The following QDPR variants were observed in gnomAD, a reference collection of about 807,000 sequenced individuals.
QDPR encodes dihydropteridine reductase.
QDPR carries 23 observed loss-of-function variants against 31.7 expected under a neutral mutation model. The ratio of observed to expected loss-of-function variants is 0.73; its 90% CI spans 0.52 to 1.03. QDPR has a LOEUF of 1.03. Among genes scored for constraint, QDPR ranks in the 50% least tolerant of loss-of-function variants. QDPR has a pLI of 0.00. For synonymous variants in QDPR, 124 were observed against 124.7 expected (o/e 0.99, Z 0.03); for missense variants, 324 against 323.8 (o/e 1.00, Z 0.00).
chr4:17,493,659 G>C (rs1005921295), intron 4 of QDPR, among the ~76,000 whole-genome samples: 16 of 152,222 alleles, frequency 1.1e-4, no homozygotes, highest in African/African-American at 3.9e-4. Flanking sequence ...AGGAGAGGGG[G>C]TGGGCATGGA....
intron 4 of QDPR, 87 bp downstream of exon 4, chr4:17,501,632 A>C: frequency 6.7e-7 from 1 of 1,498,730 alleles, no homozygotes; most frequent in Non-Finnish European, 9.2e-7. Context: ...TAAAGGCTTT[A>C]ACAGTCCTCA....
intron 4 of QDPR, among the ~76,000 whole-genome samples, chr4:17,494,636 T>C (rs1312419253): frequency 1.3e-5 from 2 of 152,106 alleles, no homozygotes; most frequent in African/African-American, 4.8e-5. Flanking sequence ...GGTTAACAAA[T>C]CCCCTTTGTA....
intron 4 of QDPR, among the ~76,000 whole-genome samples, chr4:17,493,259 C>A (rs896828043): frequency 6.6e-6 from 1 of 152,058 alleles, no homozygotes; most frequent in Non-Finnish European, 1.5e-5. Flanking sequence ...TCCTGGGCAA[C>A]GTAGTGGGAC....
chr4:17,509,031 A>G (rs1476878974), intron 2 of QDPR, among the ~76,000 whole-genome samples: 2 of 151,924 alleles, frequency 1.3e-5, no homozygotes, highest in Non-Finnish European at 2.9e-5. Flanking sequence ...GGTGGCAGGC[A>G]CCTGTAATCC....
At chr4:17,490,150 G>T (rs1012242706) in intron 6 of QDPR, 3 of 177,054 alleles carry the variant, frequency 1.7e-5, no homozygotes, top group African/African-American at 7.1e-5. Flanking sequence ...AAATTAAAGG[G>T]CACTTTCTGT....
At chr4:17,500,821 T>C (rs906917623) in intron 4 of QDPR, among the ~76,000 whole-genome samples, 3 of 152,244 alleles carry the variant, frequency 2.0e-5, no homozygotes, top group Non-Finnish European at 2.9e-5. Flanking sequence ...CAAGTAAGTC[T>C]GCAACTTACT....
At chr4:17,497,418 C>G (rs1028915049) in intron 4 of QDPR, among the ~76,000 whole-genome samples, 1 of 152,088 alleles carries the variant, frequency 6.6e-6, no homozygotes, top group South Asian at 2.1e-4. Flanking sequence ...GACTCACCCC[C>G]ACCAAGAGCA....
intron 4 of QDPR, among the ~76,000 whole-genome samples, chr4:17,499,881 A>G (rs760665846): frequency 6.6e-6 from 1 of 152,158 alleles, no homozygotes; most frequent in Non-Finnish European, 1.5e-5. Flanking sequence ...TCATACCACT[A>G]CATTCCAGCC....
At chr4:17,504,497 A>T (rs1179569385) in intron 2 of QDPR, 22 bp from the exon 3 acceptor site, 2 of 1,582,544 alleles carry the variant, frequency 1.3e-6, no homozygotes, top group Non-Finnish European at 1.7e-6. Flanking sequence ...GAACAAAAAA[A>T]TGTATAAACT....
At chr4:17,490,797 A>G in intron 5 of QDPR, 52 bp from the exon 6 acceptor site, 1 of 1,462,250 alleles carries the variant, frequency 6.8e-7, no homozygotes, top group Non-Finnish European at 9.5e-7. Context: ...TTCTAACAAC[A>G]GGTGCCCAGT....
intron 4 of QDPR, among the ~76,000 whole-genome samples, chr4:17,498,009 C>T (rs1234280183): frequency 6.6e-6 from 1 of 152,320 alleles, no homozygotes; most frequent in East Asian, 1.9e-4. Context: ...AGTCTTTCCT[C>T]TTTATGTTCC....
chr4:17,487,062 TG>T lies in QDPR; in HGVS notation c.*68del. On this transcript the variant is annotated 3_prime_UTR_variant, in exon 7 of 7. Coordinates refer to ENST00000281243, the MANE Select transcript of QDPR (RefSeq NM_000320.3). The stretch of plus-strand genomic sequence containing the variant: ...ACAGGGGTTACAGAAAACACAAGGC[TG>T]GACAAGGCCACACTGAGACAGGTTA... 1 of 1,255,906 alleles carries T rather than the reference TG, an allele frequency of 8.0e-7. No homozygotes were observed. The highest frequency in any genetic ancestry group is 1.2e-6 in the Non-Finnish European group (1 of 855,100). 77.8% of individuals were successfully genotyped at this position (1,255,906 alleles called of 1,614,324 possible).
intron 6 of QDPR, 98 bp downstream of exon 6, chr4:17,490,564 T>C: frequency 9.9e-7 from 1 of 1,007,150 alleles, no homozygotes; most frequent in Non-Finnish European, 1.6e-6. Context: ...CCACCCGGAT[T>C]GACGATCTCA....
At position 17,490,663 on chromosome 4, in the gene QDPR, C is replaced by T. The variant is rs1243705599; in HGVS notation, c.628G>A (p.Glu210Lys). The change falls in exon 6 of 7, where the codon GAA becomes AAA. Residue 210 changes from glutamate (E) to lysine (K), a missense_variant and splice_region_variant. Glu to Lys is a moderately conservative substitution (Grantham distance 56). Coordinates refer to ENST00000281243, the MANE Select transcript of QDPR (RefSeq NM_000320.3). ...SSWTPLEFLV[E>K]TFHDWITGKN... ...CATGGACATGTCTGTAATACTCACT[C>T]AACTAGGAATTCTAAGGGTGTCCAG... The T allele has an allele frequency of 6.2e-7, 1 of 1,611,666 alleles. No individual in the cohort carries two copies. The highest frequency in any genetic ancestry group is 1.1e-5 in the South Asian group (1 of 90,990).
In QDPR at chr4:17,493,505, G is replaced by A. The variant is rs1243710808; in HGVS notation, c.437-1165C>T. Among the ~76,000 whole-genome samples, 3 of 152,176 alleles carry A rather than the reference G, an allele frequency of 2.0e-5. No homozygotes were observed. In the South Asian group the frequency reaches 6.2e-4, roughly 31 times the overall value. ...GACTTCTGACCAACAAGCTTAATCA[G>A]GGGTTTGCACAACCCCCTCTTCAGG... On this transcript the variant is annotated intron_variant, in intron 4 of 6. Transcript: ENST00000281243.
intron 4 of QDPR, 184 bp from the exon 5 acceptor site, chr4:17,492,524 A>G (rs1216909656): frequency 3.2e-6 from 2 of 628,126 alleles, no homozygotes; most frequent in Non-Finnish European, 5.7e-6. Flanking sequence ...CACGAGAAAG[A>G]GGGGATGGGA....
chr4:17,498,087 T>C (rs1451874964), intron 4 of QDPR, among the ~76,000 whole-genome samples: 1 of 152,186 alleles, frequency 6.6e-6, no homozygotes, highest in African/African-American at 2.4e-5. Context: ...CAAGAAGGAA[T>C]GATGAGTCAC....
At chr4:17,511,122 G>A (rs1371768264) in intron 1 of QDPR, among the ~76,000 whole-genome samples, 1 of 152,014 alleles carries the variant, frequency 6.6e-6, no homozygotes, top group Non-Finnish European at 1.5e-5. Context: ...GGTCCCAGGG[G>A]AACTCTTGCC....
intron 2 of QDPR, among the ~76,000 whole-genome samples, 165 bp from the exon 3 acceptor site, chr4:17,504,640 T>G (rs1231061385): frequency 6.6e-6 from 1 of 152,212 alleles, no homozygotes; most frequent in Non-Finnish European, 1.5e-5. Context: ...TGATGAGCAT[T>G]TTAGACATTG....
Sources: allele counts gnomAD v4.1 joint callset (sites outside exome capture counted in the v4.1 genomes callset), GRCh38; gene constraint gnomAD v4.1.1; transcripts MANE v1.5; gene names NCBI Gene and HGNC (gene_info 2026-07-23, HGNC 2026-07-21).